RALGAPA2: variants seen among roughly 807,000 people sequenced by gnomAD.
The protein encoded by RALGAPA2 is ral GTPase-activating protein subunit alpha-2.
Under a neutral mutation model 230.4 loss-of-function variants are expected in RALGAPA2, and 139 were observed. The ratio of observed to expected loss-of-function variants is 0.60; its 90% CI spans 0.53 to 0.69. The LOEUF is 0.69. RALGAPA2 is among the 30% of genes least tolerant of loss of function. The pLI, the probability that RALGAPA2 is intolerant of heterozygous loss-of-function variation, is 0.00. For synonymous variants in RALGAPA2, 847 were observed against 837.8 expected (o/e 1.01, Z -0.19); for missense variants, 2,163 against 2,276.0 (o/e 0.95, Z 1.01).
chr20:20,600,742 G>A (rs2065614713), intron 16 of RALGAPA2, among the ~76,000 whole-genome samples: 1 of 152,158 alleles, frequency 6.6e-6, no homozygotes, highest in African/African-American at 2.4e-5. Context: ...GGAGGAGGTG[G>A]CTTTATTTAT....
intron 35 of RALGAPA2, 99 bp downstream of exon 35, chr20:20,503,252 C>T (rs2062429701): frequency 8.7e-7 from 1 of 1,149,054 alleles, no homozygotes; most frequent in Non-Finnish European, 1.2e-6. Context: ...TTCAGAGAAA[C>T]CATCTCAGTG....
At chr20:20,475,011 G>A (rs1417032025) in intron 36 of RALGAPA2, among the ~76,000 whole-genome samples, 1 of 152,086 alleles carries the variant, frequency 6.6e-6, no homozygotes, top group Non-Finnish European at 1.5e-5. Flanking sequence ...GCTGGAGATG[G>A]AGCAAGAAAA....
chr20:20,585,114 T>G (rs2065095912), intron 18 of RALGAPA2, among the ~76,000 whole-genome samples, 159 bp from the exon 19 acceptor site: 1 of 152,098 alleles, frequency 6.6e-6, no homozygotes, highest in Non-Finnish European at 1.5e-5. Flanking sequence ...CACAAATCAC[T>G]ATATTTAATT....
chr20:20,701,840 G>A (rs1432520490), intron 1 of RALGAPA2, among the ~76,000 whole-genome samples: 1 of 152,026 alleles, frequency 6.6e-6, no homozygotes, highest in Admixed American at 6.5e-5. Context: ...AGGAGTTCGA[G>A]ACCAGCCTGG....
chr20:20,622,939 G>A (rs1201508188), intron 10 of RALGAPA2, among the ~76,000 whole-genome samples: 1 of 152,144 alleles, frequency 6.6e-6, no homozygotes, highest in African/African-American at 2.4e-5. Flanking sequence ...GCTAACATGT[G>A]TACTGAGGGT....
At chr20:20,521,165 A>C in intron 30 of RALGAPA2, 65 bp from the exon 31 acceptor site, 1 of 1,398,828 alleles carries the variant, frequency 7.1e-7, no homozygotes, top group Non-Finnish European at 9.7e-7. Flanking sequence ...ACAATCTGTC[A>C]AACTACTGCA....
intron 38 of RALGAPA2, among the ~76,000 whole-genome samples, chr20:20,403,226 A>AG (rs1424790416): frequency 6.6e-6 from 1 of 152,198 alleles, no homozygotes; most frequent in African/African-American, 2.4e-5. Context: ...CCTCCAGTGA[A>AG]GGAAGGGCTG....
At chr20:20,475,163 AT>A (rs919685805) in intron 36 of RALGAPA2, among the ~76,000 whole-genome samples, 7 of 152,126 alleles carry the variant, frequency 4.6e-5, no homozygotes, top group Admixed American at 4.6e-4. Flanking sequence ...CTCAAAAACT[AT>A]TTATTTGTAA....
chr20:20,419,165 T>C (rs911903214), intron 37 of RALGAPA2, among the ~76,000 whole-genome samples: 4 of 152,200 alleles, frequency 2.6e-5, no homozygotes, highest in African/African-American at 9.7e-5. Context: ...GGGTTGTACC[T>C]GGGAGGTTCT....
chr20:20,584,809 G>T, intron 19 of RALGAPA2, 56 bp downstream of exon 19: 1 of 1,297,952 alleles, frequency 7.7e-7, no homozygotes. Flanking sequence ...AATGTAAAAA[G>T]AAAATAGAAC....
At chr20:20,649,981 C>A (rs1215268688) in intron 4 of RALGAPA2, among the ~76,000 whole-genome samples, 1 of 152,086 alleles carries the variant, frequency 6.6e-6, no homozygotes, top group Admixed American at 6.6e-5. Context: ...ACAATTTTTT[C>A]TTTCGTAGTC....
At chr20:20,490,898 A>ACACT (rs1345424569) in intron 36 of RALGAPA2, among the ~76,000 whole-genome samples, 1 of 144,312 alleles carries the variant, frequency 6.9e-6, no homozygotes, top group African/African-American at 2.5e-5. Context: ...ACACACACTC[A>ACACT]CACTCACTCA....
At chr20:20,394,493 A>T (rs1488088307) in intron 39 of RALGAPA2, among the ~76,000 whole-genome samples, 3 of 152,128 alleles carry the variant, frequency 2.0e-5, no homozygotes, top group African/African-American at 4.8e-5. Flanking sequence ...TGCAAAACTT[A>T]TCCAGGCATG....
intron 36 of RALGAPA2, 137 bp downstream of exon 36, chr20:20,494,980 A>T (rs2062162929): frequency 1.4e-6 from 1 of 714,570 alleles, no homozygotes; most frequent in East Asian, 2.8e-5. Context: ...TAAAGCATGC[A>T]TAATTCAGAT....
chr20:20,613,415 T>TA (rs2066033398), intron 13 of RALGAPA2, among the ~76,000 whole-genome samples: 1 of 152,208 alleles, frequency 6.6e-6, no homozygotes. Flanking sequence ...GACCATTTCT[T>TA]ACAGTTCCCT....
At chr20:20,395,615 C>A (rs2059697356) in intron 39 of RALGAPA2, among the ~76,000 whole-genome samples, 1 of 152,142 alleles carries the variant, frequency 6.6e-6, no homozygotes, top group East Asian at 1.9e-4. Flanking sequence ...GCTCGTGTCA[C>A]CTGTTGGGGC....
chr20:20,403,343 G>A (rs1036838249), intron 38 of RALGAPA2, among the ~76,000 whole-genome samples: 1 of 152,218 alleles, frequency 6.6e-6, no homozygotes, highest in Non-Finnish European at 1.5e-5. Context: ...GATGCTCTGA[G>A]GAGTGAAGCT....
At chr20:20,499,475 T>C (rs1242402278) in intron 35 of RALGAPA2, among the ~76,000 whole-genome samples, 1 of 152,208 alleles carries the variant, frequency 6.6e-6, no homozygotes, top group Non-Finnish European at 1.5e-5. Context: ...TACAATGTAC[T>C]GCAAATAAAA....
chr20:20,480,287 CA>C (rs2061744711), intron 36 of RALGAPA2, among the ~76,000 whole-genome samples: 1 of 152,182 alleles, frequency 6.6e-6, no homozygotes, highest in Non-Finnish European at 1.5e-5. Context: ...AGATATATCC[CA>C]ACCTGTGGTA....
Sources: allele counts gnomAD v4.1 joint callset (sites outside exome capture counted in the v4.1 genomes callset), GRCh38; gene constraint gnomAD v4.1.1; transcripts MANE v1.5; gene names NCBI Gene and HGNC (gene_info 2026-07-23, HGNC 2026-07-21).